The following GTF2IRD2B variants were observed in gnomAD, a reference collection of about 807,000 sequenced individuals.
GTF2IRD2B encodes GTF2I repeat domain containing 2B.
GTF2IRD2B carries 10 observed loss-of-function variants against 55.6 expected under a neutral mutation model. The observed-to-expected ratio is 0.18, with a 90% CI of 0.11 to 0.31. The LOEUF (loss-of-function observed/expected upper bound fraction) is 0.31. GTF2IRD2B is among the 10% of genes least tolerant of loss of function. The pLI is 1.00. For missense variants in GTF2IRD2B, 206 were observed against 802.7 expected, an observed-to-expected ratio of 0.26 and a Z score of 8.98; for synonymous variants, 107 against 320.5, an observed-to-expected ratio of 0.33 and a Z score of 7.12.
intron 1 of GTF2IRD2B, among the ~76,000 whole-genome samples, chr7:75,105,342 A>G (rs1169443482): frequency 1.2e-4 from 18 of 152,290 alleles, no homozygotes; most frequent in Non-Finnish European, 2.5e-4. Flanking sequence ...CGTCTCCACC[A>G]AAAATACAAA....
At chr7:75,146,709 C>T (rs1274185588) in intron 15 of GTF2IRD2B, 2 of 99,952 alleles carry the variant, frequency 2.0e-5, no homozygotes. Context: ...AAAATGCAAA[C>T]ATATTATCAA....
intron 8 of GTF2IRD2B, among the ~76,000 whole-genome samples, chr7:75,132,267 G>A (rs1345544140): frequency 3.0e-5 from 4 of 133,124 alleles, no homozygotes; most frequent in Non-Finnish European, 6.1e-5. Context: ...GCTGAGGCAG[G>A]AGGGTCACTT....
At chr7:75,132,974 T>C (rs1424182819) in intron 8 of GTF2IRD2B, among the ~76,000 whole-genome samples, 161 bp from the exon 9 acceptor site, 1 of 123,238 alleles carries the variant, frequency 8.1e-6, no homozygotes, top group Non-Finnish European at 1.6e-5. Context: ...AGTATTTCTA[T>C]TTTTGTATCA....
Position 75,123,232 on chromosome 7 carries a change from T to C in GTF2IRD2B, c.455T>C (p.Val152Ala), listed in dbSNP as rs1554452159. ...GTAGTGCAGGGGCTTCCGGAAGGCGTTGCCTTTCAACACCCTGAGAATTAC... is the reference window on the plus strand; with the variant it reads ...GTAGTGCAGGGGCTTCCGGAAGGCGCTGCCTTTCAACACCCTGAGAATTAC... The part of the protein sequence containing the change: ...AVVVQGLPEG[V>A]AFQHPENYDL... The change falls in exon 5 of 16, where the codon GTT becomes GCT. Residue 152 changes from valine (V) to alanine (A), a missense_variant. Transcript: ENST00000472837. 3 of 1,467,892 alleles carry C rather than the reference T, an allele frequency of 2.0e-6. No individual in the cohort carries two copies. Among genetic ancestry groups the C allele is most frequent in the Non-Finnish European group, 2.8e-6 (3 of 1,090,828 alleles). The allele number at this position is 1,467,892 out of a possible 1,614,324, so 90.9% of individuals were successfully genotyped here. A position where few individuals can be genotyped will look rare whatever the true frequency, so the allele number is the denominator to read the frequency against.
At chr7:75,134,097 A>T (rs1808752846) in intron 9 of GTF2IRD2B, among the ~76,000 whole-genome samples, 1 of 138,918 alleles carries the variant, frequency 7.2e-6, no homozygotes, top group Non-Finnish European at 1.5e-5. Flanking sequence ...AAAAAAAAAA[A>T]TCAAACCTGG....
chr7:75,105,137 A>G (rs1422016479), intron 1 of GTF2IRD2B, among the ~76,000 whole-genome samples: 2 of 152,296 alleles, frequency 1.3e-5, no homozygotes, highest in African/African-American at 4.8e-5. Context: ...TCGAGGCTAC[A>G]CTGAACTGTG....
intron 12 of GTF2IRD2B, among the ~76,000 whole-genome samples, chr7:75,139,503 G>A (rs1808952833): frequency 1.0e-5 from 1 of 98,866 alleles, no homozygotes; most frequent in Non-Finnish European, 2.0e-5. Context: ...GTGTGGTGGC[G>A]AGCACCTGTA....
chr7:75,103,534 G>C (rs1807651118), intron 1 of GTF2IRD2B, among the ~76,000 whole-genome samples: 1 of 149,866 alleles, frequency 6.7e-6, no homozygotes, highest in African/African-American at 2.4e-5. Context: ...CAAGTGAAGG[G>C]TGCAGGGAAG....
intron 1 of GTF2IRD2B, among the ~76,000 whole-genome samples, chr7:75,102,438 AATATGTGACTCCT>A (rs1563089451): frequency 2.0e-5 from 3 of 151,514 alleles, no homozygotes; most frequent in Non-Finnish European, 4.4e-5. Flanking sequence ...GGAATTACAT[AATATGTGACTCCT>A]TTGGATTTTA....
At chr7:75,093,118 T>G (rs1807314260) in intron 1 of GTF2IRD2B, among the ~76,000 whole-genome samples, 2 of 40,490 alleles carry the variant, frequency 4.9e-5, no homozygotes, top group South Asian at 2.8e-3. Flanking sequence ...CGCGCTTGAT[T>G]GGTTAGATAA....
intron 15 of GTF2IRD2B, chr7:75,147,036 G>A (rs1421214487): frequency 1.3e-5 from 2 of 158,168 alleles, no homozygotes; most frequent in Non-Finnish European, 2.8e-5. Flanking sequence ...AGCTGAAGTG[G>A]GAGGATCACC....
intron 8 of GTF2IRD2B, among the ~76,000 whole-genome samples, chr7:75,130,091 CTCTTTCTTTCTTTCTT>C (rs201826313): frequency 4.3e-3 from 335 of 77,544 alleles, no homozygotes; most frequent in Middle Eastern, 0.012. Flanking sequence ...AATTTATTTT[CTCTTTCTTTCTTTCTT>C]TCTTTCTTTC....
At chr7:75,107,441 G>A (rs1807843149) in intron 1 of GTF2IRD2B, among the ~76,000 whole-genome samples, 2 of 144,602 alleles carry the variant, frequency 1.4e-5, no homozygotes, top group Non-Finnish European at 3.1e-5. Flanking sequence ...CAGGCGTGGT[G>A]GCAGGCGCCT....
At chr7:75,105,381 G>A (rs1807756504) in intron 1 of GTF2IRD2B, among the ~76,000 whole-genome samples, 1 of 152,304 alleles carries the variant, frequency 6.6e-6, no homozygotes, top group Non-Finnish European at 1.5e-5. Flanking sequence ...GCTCACGCCT[G>A]CAATCCCAAC....
Position 75,103,382 on chromosome 7 carries a change from G to A in GTF2IRD2B, c.-5-5578G>A, listed in dbSNP as rs868924165. Reference sequence around the variant, plus strand: ...CGTGGTTCTCCTGGCATGTGGTCCCGTGGGGACCAGTGCATCAGGTGCTTC... The same window carrying A: ...CGTGGTTCTCCTGGCATGTGGTCCCATGGGGACCAGTGCATCAGGTGCTTC... On this transcript the variant is annotated intron_variant, in intron 1 of 15. Coordinates refer to ENST00000472837, the MANE Select transcript of GTF2IRD2B (RefSeq NM_001003795.3). 8.3e-4 allele frequency among the ~76,000 whole-genome samples: 125 copies of A among 151,348 alleles called. 5 individuals are homozygous for A. Among genetic ancestry groups the A allele is most frequent in the Non-Finnish European group, 1.3e-3 (88 of 67,722 alleles).
At chr7:75,105,402 G>C (rs1287865946) in intron 1 of GTF2IRD2B, among the ~76,000 whole-genome samples, 1 of 152,298 alleles carries the variant, frequency 6.6e-6, no homozygotes, top group African/African-American at 2.4e-5. Context: ...TACTCGGGGG[G>C]TTGAGGCAGG....
chr7:75,115,922 T>C (rs1309471511), intron 3 of GTF2IRD2B, among the ~76,000 whole-genome samples: 19 of 141,844 alleles, frequency 1.3e-4, no homozygotes, highest in Admixed American at 7.7e-4. Flanking sequence ...TTCTTTCTTT[T>C]TTTTTTTTTT....
chr7:75,114,094 TAGAGAGAG>T (rs781910109), intron 3 of GTF2IRD2B, among the ~76,000 whole-genome samples: 2 of 142,194 alleles, frequency 1.4e-5, no homozygotes, highest in African/African-American at 2.6e-5. Flanking sequence ...GATGAATGGA[TAGAGAGAG>T]AGAGAGAGAG....
chr7:75,105,177 G>C lies in GTF2IRD2B; in HGVS notation c.-5-3783G>C, dbSNP rs1352957399. 3.9e-5 allele frequency among the ~76,000 whole-genome samples: 6 copies of C among 152,280 alleles called. No homozygotes were observed. The South Asian group carries it at 1.0e-3, about 26-fold the overall frequency. On this transcript the variant is annotated intron_variant, in intron 1 of 15. Coordinates refer to ENST00000472837, the MANE Select transcript of GTF2IRD2B (RefSeq NM_001003795.3). ...CACTCCAACCTGGGTGACAGAGCAA[G>C]ATGCTGTCTCAAAACAAAAAACAAA...
Sources: gnomAD v4.1 joint callset for allele counts (sites outside exome capture counted in the v4.1 genomes callset) on GRCh38, gnomAD v4.1.1 for gene constraint, MANE v1.5 for transcripts, NCBI Gene and HGNC (gene_info 2026-07-23, HGNC 2026-07-21) for gene names.